The following RALGAPA1 variants were observed in gnomAD, a reference collection of about 807,000 sequenced individuals.
RALGAPA1 encodes Ral GTPase activating protein catalytic subunit alpha 1, also known as ral GTPase-activating protein subunit alpha-1.
A neutral mutation model predicts 269.6 loss-of-function variants in RALGAPA1; 52 were observed. The observed-to-expected ratio is 0.19, with a 90% confidence interval of 0.15 to 0.24. The LOEUF (loss-of-function observed/expected upper bound fraction) is 0.24, where lower values mean the gene tolerates loss of function less well. Ranked by LOEUF, RALGAPA1 falls within the 10% of genes least tolerant of loss-of-function variation. The pLI is 1.00. For synonymous variants in RALGAPA1, 817 were observed against 1,008.3 expected, an observed-to-expected ratio of 0.81 and a Z score of 3.60; for missense variants, 1,917 against 3,013.9, an observed-to-expected ratio of 0.64 and a Z score of 8.52.
At chr14:35,599,852 C>T (rs1594762844) in intron 36 of RALGAPA1, among the ~76,000 whole-genome samples, 1 of 152,202 alleles carries the variant, frequency 6.6e-6, no homozygotes, top group Non-Finnish European at 1.5e-5. Flanking sequence ...AAGAAATTTG[C>T]TATCTCTTTA....
chr14:35,749,781 A>C (rs984698020), intron 9 of RALGAPA1, among the ~76,000 whole-genome samples: 2 of 152,166 alleles, frequency 1.3e-5, no homozygotes, highest in African/African-American at 2.4e-5. Context: ...ATTCTGATGA[A>C]CTAAACACAC....
At chr14:35,720,548 T>C (rs1040312096) in intron 16 of RALGAPA1, among the ~76,000 whole-genome samples, 10 of 152,222 alleles carry the variant, frequency 6.6e-5, no homozygotes, top group Non-Finnish European at 1.5e-5. Context: ...GAAGCATTGA[T>C]TGTAAACCTT....
Position 35,770,988 on chromosome 14 carries a change from T to C in RALGAPA1, c.279A>G (p.Gln93=). Residue 93 remains glutamine (Q), a synonymous_variant, in exon 4 of 42, where the codon CAA becomes CAG. Transcript: ENST00000680220. ...AILFIFEKIL[Q]LLPERIHQRW... ...GCTGATGAATTCTTTCTGGAAGAAG[T>C]TGTAAAATTTTCTAAAAATCAATAT... 5 of 1,382,668 alleles carry C rather than the reference T, an allele frequency of 3.6e-6. 1 individual carries two copies. The highest frequency in any genetic ancestry group is 1.3e-5 in the South Asian group (1 of 75,372). The allele number at this position is 1,382,668 out of a possible 1,614,324, so 85.6% of individuals were successfully genotyped here.
chr14:35,640,740 CAAT>C (rs1349577855), intron 31 of RALGAPA1, among the ~76,000 whole-genome samples: 4 of 151,970 alleles, frequency 2.6e-5, no homozygotes, highest in Non-Finnish European at 5.9e-5. Flanking sequence ...TCTATGAGGC[CAAT>C]ATTACCCTAA....
In RALGAPA1 at chr14:35,619,113, T is replaced by C. The variant is rs138585683; in HGVS notation, c.6929+6248A>G. Among the ~76,000 whole-genome samples the C allele has an allele frequency of 6.8e-3, 1,036 of 152,188 alleles. 6 individuals carry two copies. Among genetic ancestry groups the C allele is most frequent in the Non-Finnish European group, 0.012 (819 of 67,980 alleles). ...GAGGAAGAAGACTTGGCCTATCAGA[T>C]ATTAAAATATATTATAAAGCTATAT... On this transcript the variant is annotated intron_variant, in intron 35 of 41. Coordinates refer to ENST00000680220, the MANE Select transcript of RALGAPA1 (RefSeq NM_001346249.2).
intron 7 of RALGAPA1, chr14:35,756,558 T>G: frequency 4.2e-6 from 1 of 235,936 alleles, no homozygotes; most frequent in Non-Finnish European, 8.3e-6. Flanking sequence ...AAAACTTGAG[T>G]TTACATGAGA....
chr14:35,740,575 G>A (rs2071451955), intron 11 of RALGAPA1, among the ~76,000 whole-genome samples: 1 of 152,192 alleles, frequency 6.6e-6, no homozygotes, highest in Non-Finnish European at 1.5e-5. Flanking sequence ...GGGAGGCTGA[G>A]GTGGGCAGGT....
intron 35 of RALGAPA1, among the ~76,000 whole-genome samples, chr14:35,616,445 T>G (rs1395101506): frequency 6.6e-6 from 1 of 152,184 alleles, no homozygotes; most frequent in Non-Finnish European, 1.5e-5. Context: ...ATTAGATATT[T>G]AATATAGGGG....
chr14:35,571,134 G>C (rs1440250457), intron 38 of RALGAPA1, among the ~76,000 whole-genome samples: 1 of 152,148 alleles, frequency 6.6e-6, no homozygotes, highest in African/African-American at 2.4e-5. Context: ...CATTATTTTT[G>C]TGACACTAGC....
chr14:35,566,487 A>G (rs2056716336), intron 39 of RALGAPA1, among the ~76,000 whole-genome samples: 1 of 152,166 alleles, frequency 6.6e-6, no homozygotes, highest in African/African-American at 2.4e-5. Context: ...TTATCCAAAT[A>G]TAATCAAGCT....
chr14:35,647,594 G>A (rs2062518988), intron 31 of RALGAPA1, among the ~76,000 whole-genome samples: 1 of 152,200 alleles, frequency 6.6e-6, no homozygotes. Context: ...CAACATAGTG[G>A]AGAAGAACCA....
chr14:35,804,570 AAAATAAATAAATAAAT>A (rs71124718), intron 1 of RALGAPA1, among the ~76,000 whole-genome samples: 17,185 of 145,688 alleles, frequency 0.12, 1,121 homozygotes, highest in South Asian at 0.14. Flanking sequence ...CTCCATCTCA[AAAATAAATAAATAAAT>A]AAATAAATAA....
chr14:35,570,520 C>A, intron 39 of RALGAPA1, 97 bp downstream of exon 39: 11 of 977,506 alleles, frequency 1.1e-5, no homozygotes, highest in South Asian at 8.2e-5. Flanking sequence ...TTAAAAAAAC[C>A]CTAGAAAATA....
chr14:35,793,828 CTTGTT>C (rs1424084829), intron 1 of RALGAPA1, among the ~76,000 whole-genome samples: 1 of 152,166 alleles, frequency 6.6e-6, no homozygotes, highest in African/African-American at 2.4e-5. Context: ...TCAGTTGTTG[CTTGTT>C]TTATCATTAA....
At chr14:35,660,623 A>G (rs750053272) in intron 27 of RALGAPA1, among the ~76,000 whole-genome samples, 8 of 152,134 alleles carry the variant, frequency 5.3e-5, no homozygotes, top group African/African-American at 9.6e-5. Flanking sequence ...TGAAATTAGC[A>G]TGTCAAAGAG....
chr14:35,784,141 GAAAA>G (rs1462931319), intron 1 of RALGAPA1, among the ~76,000 whole-genome samples: 1 of 149,400 alleles, frequency 6.7e-6, no homozygotes, highest in Non-Finnish European at 1.5e-5. Flanking sequence ...AAAAAAAAAA[GAAAA>G]AGAAAGAAAA....
At chr14:35,649,818 G>A (rs1384838970) in intron 31 of RALGAPA1, among the ~76,000 whole-genome samples, 1 of 151,952 alleles carries the variant, frequency 6.6e-6, no homozygotes, top group Non-Finnish European at 1.5e-5. Context: ...AATTCCATGA[G>A]AACAGGGAGT....
chr14:35,540,211 G>C (rs907210163), intron 41 of RALGAPA1, among the ~76,000 whole-genome samples: 3 of 152,152 alleles, frequency 2.0e-5, no homozygotes. Flanking sequence ...TCAGCACTAT[G>C]AGATCATATA....
At chr14:35,713,608 T>C (rs145735966) in intron 16 of RALGAPA1, among the ~76,000 whole-genome samples, 47 of 152,272 alleles carry the variant, frequency 3.1e-4, no homozygotes, top group Non-Finnish European at 1.5e-5. Flanking sequence ...CTTTTACATG[T>C]AATAAGCAAA....
Sources: allele counts gnomAD v4.1 joint callset (sites outside exome capture counted in the v4.1 genomes callset), GRCh38; gene constraint gnomAD v4.1.1; transcripts MANE v1.5; gene names NCBI Gene and HGNC (gene_info 2026-07-23, HGNC 2026-07-21).